TNS3: variants seen among roughly 807,000 people sequenced by gnomAD.
TNS3 encodes tensin 3.
Under a neutral mutation model 140.9 loss-of-function variants are expected in TNS3, and 45 were observed. The observed-to-expected ratio is 0.32, with a 90% CI of 0.25 to 0.41. The LOEUF (loss-of-function observed/expected upper bound fraction) is 0.41, where lower values mean the gene tolerates loss of function less well. Among genes scored for constraint, TNS3 ranks in the 10% least tolerant of loss-of-function variants. The probability of loss-of-function intolerance (pLI) is 1.00; values close to 1 mark genes in which losing one functional copy is unlikely to be tolerated. For missense variants in TNS3, 1,716 were observed against 1,906.7 expected (o/e 0.90, Z 1.86); for synonymous variants, 815 against 788.4 (o/e 1.03, Z -0.56).
chr7:47,302,330 C>T (rs1786454632), intron 22 of TNS3, 58 bp from the exon 23 acceptor site: 1 of 1,370,628 alleles, frequency 7.3e-7, no homozygotes, highest in Non-Finnish European at 1.0e-6. Context: ...CTTGCAACCT[C>T]TCATCTGCTG....
intron 20 of TNS3, among the ~76,000 whole-genome samples, chr7:47,322,580 T>A (rs1787810065): frequency 6.6e-6 from 1 of 150,444 alleles, no homozygotes; most frequent in African/African-American, 2.5e-5. Flanking sequence ...CCCAGTGAAA[T>A]GAAAATTAAC....
At chr7:47,332,295 T>G (rs936585890) in intron 20 of TNS3, among the ~76,000 whole-genome samples, 1 of 152,220 alleles carries the variant, frequency 6.6e-6, no homozygotes, top group Non-Finnish European at 1.5e-5. Context: ...AAAGTAAAAA[T>G]GCAAGGGATA....
At position 47,278,074 on chromosome 7, in the gene TNS3, T is replaced by C; in HGVS notation, c.*2A>G. On this transcript the variant is annotated 3_prime_UTR_variant, in exon 31 of 31. Coordinates refer to ENST00000311160, the MANE Select transcript of TNS3 (RefSeq NM_022748.12). ...GGTGGGTCCAGGGAGGGAGGGGAGT[T>C]CTCAGACCTTCTTTGGGGAACCAAT... is the stretch of plus-strand genomic sequence containing the variant. 3.7e-6 allele frequency: 6 copies of C among 1,613,962 alleles called. No individual in the cohort carries two copies. The highest frequency in any genetic ancestry group is 5.1e-6 in the Non-Finnish European group (6 of 1,179,916).
chr7:47,542,529 C>A (rs1584838358), intron 1 of TNS3, among the ~76,000 whole-genome samples: 1 of 152,226 alleles, frequency 6.6e-6, no homozygotes, highest in Non-Finnish European at 1.5e-5. Flanking sequence ...TCTCCTCTAC[C>A]CACTACATGC....
intron 28 of TNS3, among the ~76,000 whole-genome samples, chr7:47,282,996 T>C (rs974396554): frequency 6.6e-6 from 1 of 152,084 alleles, no homozygotes; most frequent in Non-Finnish European, 1.5e-5. Flanking sequence ...GCCTGTCTGC[T>C]GTGATGGCTG....
chr7:47,491,075 G>A (rs552481817), intron 3 of TNS3, among the ~76,000 whole-genome samples: 52 of 152,280 alleles, frequency 3.4e-4, no homozygotes, highest in South Asian at 8.3e-4. Context: ...CCGACAGAGC[G>A]CGGCTGTGGC....
At chr7:47,549,841 C>T (rs888164170) in intron 1 of TNS3, among the ~76,000 whole-genome samples, 1 of 152,180 alleles carries the variant, frequency 6.6e-6, no homozygotes. Flanking sequence ...CCTGATGGGC[C>T]CTGGCACACA....
intron 13 of TNS3, 42 bp from the exon 14 acceptor site, chr7:47,400,956 G>A (rs773474040): frequency 7.2e-5 from 116 of 1,610,918 alleles, no homozygotes; most frequent in Non-Finnish European, 9.1e-5. Context: ...GCTGCAGCGG[G>A]GGACACACGT....
In TNS3 at chr7:47,529,126, G is replaced by A. The variant is rs1799303762; in HGVS notation, c.-243C>T. The A allele has an allele frequency of 7.8e-7, 1 of 1,284,230 alleles. No individual in the cohort carries two copies. Among genetic ancestry groups the A allele is most frequent in the Non-Finnish European group, 1.0e-6 (1 of 987,110 alleles). 79.6% of individuals were successfully genotyped at this position (1,284,230 alleles called of 1,614,324 possible). ...AAGGCCTTGTTCTTAAAAGCGTGCAGACTCGAGGTTAATTCTTCCGGCTGA... is the reference window on the plus strand; with the variant it reads ...AAGGCCTTGTTCTTAAAAGCGTGCAAACTCGAGGTTAATTCTTCCGGCTGA... On this transcript the variant is annotated 5_prime_UTR_variant, in exon 2 of 31. Coordinates refer to ENST00000311160, the MANE Select transcript of TNS3 (RefSeq NM_022748.12).
intron 27 of TNS3, among the ~76,000 whole-genome samples, chr7:47,291,007 T>A (rs1423102174): frequency 6.6e-6 from 1 of 151,332 alleles, no homozygotes; most frequent in Non-Finnish European, 1.5e-5. Flanking sequence ...TAAAAAAAAA[T>A]GAGCTATCAA....
intron 3 of TNS3, 94 bp from the exon 4 acceptor site, chr7:47,481,235 T>G (rs956410259): frequency 3.2e-6 from 3 of 947,084 alleles, no homozygotes; most frequent in Non-Finnish European, 4.4e-6. Flanking sequence ...TGAATGAAAC[T>G]GTCTCTAACC....
intron 20 of TNS3, among the ~76,000 whole-genome samples, chr7:47,316,675 A>G (rs1018072839): frequency 2.0e-5 from 3 of 151,620 alleles, no homozygotes; most frequent in African/African-American, 4.8e-5. Context: ...TTCAAAATAC[A>G]AAAGTTAGCC....
Position 47,500,460 on chromosome 7 carries a change from G to A in TNS3, c.-115+6447C>T, listed in dbSNP as rs2960224. Among the ~76,000 whole-genome samples, 573 of 152,346 alleles carry A rather than the reference G, an allele frequency of 3.8e-3. 1 individual carries two copies. Among genetic ancestry groups the A allele is most frequent in the Non-Finnish European group, 6.5e-3 (441 of 68,036 alleles). ...CTGCTCGGTCCCAGCCCTGTCACCT[G>A]TAAGAGGGAGCAGAACAAGCCTCCT... On this transcript the variant is annotated intron_variant, in intron 3 of 30. Transcript: ENST00000311160.
intron 20 of TNS3, among the ~76,000 whole-genome samples, chr7:47,339,505 T>G (rs773040772): frequency 6.6e-6 from 1 of 152,172 alleles, no homozygotes; most frequent in South Asian, 2.1e-4. Flanking sequence ...GGCATATCTG[T>G]GTAGGCCTGT....
At chr7:47,388,076 G>C (rs1792174664) in intron 16 of TNS3, among the ~76,000 whole-genome samples, 1 of 152,194 alleles carries the variant, frequency 6.6e-6, no homozygotes, top group Non-Finnish European at 1.5e-5. Context: ...AACTCAGCAG[G>C]TTTGATCGCC....
intron 30 of TNS3, chr7:47,279,415 A>G (rs1411784158): frequency 1.3e-5 from 2 of 152,248 alleles, no homozygotes; most frequent in Non-Finnish European, 2.9e-5. Context: ...TAAAAGGGGA[A>G]CTCTAAGCCG....
intron 10 of TNS3, among the ~76,000 whole-genome samples, chr7:47,421,097 G>A (rs1278145158): frequency 6.6e-6 from 1 of 152,102 alleles, no homozygotes; most frequent in African/African-American, 2.4e-5. Flanking sequence ...AGAAACAACT[G>A]GCTACCTGTC....
At chr7:47,452,836 CCAGTACCGGAGGCCA>C in intron 4 of TNS3, 4 of 801,010 alleles carry the variant, frequency 5.0e-6, no homozygotes, top group Non-Finnish European at 6.0e-6. Context: ...TGCAAAGCAG[CCAGTACCGGAGGCCA>C]CAGAGGAGGG....
At chr7:47,351,319 A>G (rs1472654020) in intron 17 of TNS3, among the ~76,000 whole-genome samples, 6 of 152,198 alleles carry the variant, frequency 3.9e-5, no homozygotes, top group African/African-American at 1.4e-4. Context: ...TTTCTGGACC[A>G]ATATGCTCAG....
Sources: gnomAD v4.1 joint callset for allele counts (sites outside exome capture counted in the v4.1 genomes callset) on GRCh38, gnomAD v4.1.1 for gene constraint, MANE v1.5 for transcripts, NCBI Gene and HGNC (gene_info 2026-07-23, HGNC 2026-07-21) for gene names.